The following TAF1 variants were observed in gnomAD, a reference collection of about 807,000 sequenced individuals.
TAF1 encodes transcription initiation factor TFIID subunit 1.
TAF1 carries 2 observed loss-of-function variants against 138.5 expected under a neutral mutation model. The observed-to-expected ratio is 0.01, with a 90% CI of 0.01 to 0.05. The LOEUF is 0.05. TAF1 is among the 10% of genes least tolerant of loss of function. TAF1 has a pLI of 1.00. For synonymous variants in TAF1, 437 were observed against 503.2 expected (o/e 0.87, Z 1.76); for missense variants, 709 against 1,478.0 (o/e 0.48, Z 8.53).
intron 13 of TAF1, among the ~76,000 whole-genome samples, chrX:71,512,799 C>T (rs2039756952): frequency 9.0e-6 from 1 of 110,898 alleles, no homozygotes; most frequent in Admixed American, 9.6e-5. Flanking sequence ...GCCTGGACAA[C>T]AGAGCATGAC....
chrX:71,390,628 T>G, intron 18 of TAF1, among the ~76,000 whole-genome samples: 1 of 111,934 alleles, frequency 8.9e-6, no homozygotes, highest in South Asian at 3.7e-4. Context: ...GCAGTCCTTC[T>G]ATCTCAGCCT....
At chrX:71,419,252 T>C (rs2036199770) in intron 28 of TAF1, among the ~76,000 whole-genome samples, 1 of 110,720 alleles carries the variant, frequency 9.0e-6, no homozygotes, top group Admixed American at 9.7e-5. Context: ...AACAACTTTA[T>C]TCATCGCACG....
chrX:71,474,867 A>G (rs1048879298), intron 13 of TAF1, among the ~76,000 whole-genome samples: 3 of 111,828 alleles, frequency 2.7e-5, no homozygotes, highest in Non-Finnish European at 5.6e-5. Flanking sequence ...GGGGAAGATC[A>G]TTCTAGGTAG....
intron 13 of TAF1, among the ~76,000 whole-genome samples, chrX:71,516,799 G>A (rs750491428): frequency 3.4e-4 from 37 of 109,947 alleles, no homozygotes; most frequent in Admixed American, 4.9e-4. Context: ...CCACCTCCTG[G>A]GCTCAAGTGA....
intron 13 of TAF1, among the ~76,000 whole-genome samples, chrX:71,511,479 A>G (rs945322004): frequency 1.6e-4 from 18 of 112,656 alleles, no homozygotes; most frequent in African/African-American, 5.5e-4. Flanking sequence ...GGTTAAGGTA[A>G]GAACCAGGAT....
At position 71,381,858 on chromosome X, in the gene TAF1, G is replaced by A. The variant is rs753673566; in HGVS notation, c.1476G>A (p.Met492Ile). The change falls in exon 9 of 38, where the codon ATG (methionine) becomes ATA (isoleucine). Residue 492 changes from methionine to isoleucine, a missense_variant. Met to Ile is a conservative substitution (Grantham distance 10). This residue lies in a region of TAF1 where 201 missense variants were observed against 421.3 expected (regional missense o/e 0.48). Coordinates refer to ENST00000423759, the MANE Select transcript of TAF1 (RefSeq NM_004606.5). ...EDNIIWDAQA[M>I]PRLLEPPVLT... The stretch of plus-strand genomic sequence containing the variant: ...ATATCATTTGGGATGCTCAGGCCAT[G>A]CCCCGGCTGTTGGAACCTCCTGTTT... The A allele has an allele frequency of 2.5e-6, 3 of 1,184,722 alleles. No homozygotes were observed. Among genetic ancestry groups the A allele is most frequent in the Non-Finnish European group, 3.4e-6 (3 of 881,257 alleles).
chrX:71,450,306 G>T (rs1437189481), intron 32 of TAF1, among the ~76,000 whole-genome samples: 1 of 109,990 alleles, frequency 9.1e-6, no homozygotes, highest in Non-Finnish European at 1.9e-5. Context: ...GGGTTCAAGT[G>T]ATTCTCATGC....
intron 13 of TAF1, among the ~76,000 whole-genome samples, chrX:71,498,364 G>A (rs1473809987): frequency 9.0e-6 from 1 of 111,607 alleles, no homozygotes; most frequent in Admixed American, 9.5e-5. Context: ...TAGGGGTTGG[G>A]TACAACTGGA....
chrX:71,401,899 T>A (rs956797336), intron 25 of TAF1, among the ~76,000 whole-genome samples, 160 bp downstream of exon 25: 1 of 111,470 alleles, frequency 9.0e-6, no homozygotes, highest in Admixed American at 9.6e-5. Context: ...TAATGAAAAT[T>A]ATAGCGCTGA....
intron 13 of TAF1, among the ~76,000 whole-genome samples, chrX:71,471,337 A>G (rs1219197124): frequency 9.6e-6 from 1 of 104,034 alleles, no homozygotes; most frequent in Non-Finnish European, 2.0e-5. Flanking sequence ...AAAAAAATAT[A>G]TATATATATA....
At chrX:71,376,340 T>C (rs1038340550) in intron 4 of TAF1, among the ~76,000 whole-genome samples, 4 of 111,506 alleles carry the variant, frequency 3.6e-5, no homozygotes, top group Admixed American at 2.9e-4. Flanking sequence ...ATAGTTTTGC[T>C]ATTGGTCACA....
intron 22 of TAF1, among the ~76,000 whole-genome samples, chrX:71,394,856 C>G (rs750257330): frequency 9.0e-6 from 1 of 110,969 alleles, no homozygotes; most frequent in Non-Finnish European, 1.9e-5. Context: ...ACTATAGGTG[C>G]GTGCCACCAT....
At chrX:71,366,698 G>A (rs1384803223) in intron 1 of TAF1, among the ~76,000 whole-genome samples, 1 of 111,264 alleles carries the variant, frequency 9.0e-6, no homozygotes, top group Non-Finnish European at 1.9e-5. Context: ...AGAGCGCGAG[G>A]CGAGCCCGGG....
chrX:71,379,105 A>ATGTTTTTTTTTTTTTT (rs2033683107), intron 8 of TAF1, 74 bp downstream of exon 8: 1 of 332,928 alleles, frequency 3.0e-6, no homozygotes, highest in African/African-American at 5.6e-5. Flanking sequence ...CTCAGCTGTG[A>ATGTTTTTTTTTTTTTT]TTTTTTTTTT....
intron 32 of TAF1, among the ~76,000 whole-genome samples, chrX:71,445,187 C>T (rs2037630399): frequency 9.3e-6 from 1 of 108,038 alleles, no homozygotes; most frequent in South Asian, 4.1e-4. Context: ...GTAATCCTAG[C>T]TACTCAGGAG....
At chrX:71,417,531 A>AT (rs1297116589) in intron 28 of TAF1, among the ~76,000 whole-genome samples, 3 of 104,254 alleles carry the variant, frequency 2.9e-5, no homozygotes, top group Middle Eastern at 4.9e-3. Context: ...TAGTTTTTGT[A>AT]TTTTTTTTTT....
chrX:71,517,526 G>A (rs1220090086), intron 13 of TAF1, among the ~76,000 whole-genome samples: 1 of 111,776 alleles, frequency 8.9e-6, no homozygotes, highest in Non-Finnish European at 1.9e-5. Context: ...AGGAATATGT[G>A]TGGCTTCTAA....
At chrX:71,386,630 A>G (rs909612833) in intron 14 of TAF1, among the ~76,000 whole-genome samples, 9 of 111,739 alleles carry the variant, frequency 8.1e-5, no homozygotes, top group Admixed American at 6.6e-4. Flanking sequence ...ACATCCAGCT[A>G]ATTATTGTAT....
At chrX:71,371,860 T>A (rs1256482639) in intron 3 of TAF1, among the ~76,000 whole-genome samples, 2 of 112,113 alleles carry the variant, frequency 1.8e-5, no homozygotes, top group Non-Finnish European at 3.8e-5. Context: ...ATTCACACTT[T>A]TGTGAGAATT....
Sources: gnomAD v4.1 joint callset for allele counts (sites outside exome capture counted in the v4.1 genomes callset) on GRCh38, gnomAD v4.1.1 for gene constraint, gnomAD v4.1.1 regional missense constraint, MANE v1.5 for transcripts, NCBI Gene and HGNC (gene_info 2026-07-23, HGNC 2026-07-21) for gene names.